Variants in MAP3K13 observed in about 807,000 individuals in gnomAD.
The protein encoded by MAP3K13 is mitogen-activated protein kinase kinase kinase 13.
A neutral mutation model predicts 104.0 loss-of-function variants in MAP3K13; 52 were observed. The observed-to-expected ratio is 0.50, with a 90% confidence interval of 0.40 to 0.63. The LOEUF (loss-of-function observed/expected upper bound fraction) is 0.63, where lower values mean the gene tolerates loss of function less well. MAP3K13 is among the 20% of genes least tolerant of loss of function. The probability of loss-of-function intolerance (pLI) is 0.00; values close to 1 mark genes in which losing one functional copy is unlikely to be tolerated. For missense variants in MAP3K13, 914 were observed against 1,218.5 expected (o/e 0.75, Z 3.72); for synonymous variants, 394 against 442.2 (o/e 0.89, Z 1.37).
intron 2 of MAP3K13, among the ~76,000 whole-genome samples, chr3:185,340,706 GT>G (rs948883435): frequency 2.4e-4 from 36 of 152,198 alleles, no homozygotes; most frequent in African/African-American, 8.7e-4. Context: ...CACGGGGGTA[GT>G]TTGCTCTATG....
chr3:185,354,775 A>G (rs1004583099), intron 2 of MAP3K13, among the ~76,000 whole-genome samples: 11 of 152,162 alleles, frequency 7.2e-5, no homozygotes, highest in Non-Finnish European at 1.3e-4. Context: ...ACCATTTTGT[A>G]TTGTTACTCA....
chr3:185,419,727 A>G (rs1277931530), intron 1 of MAP3K13, among the ~76,000 whole-genome samples: 1 of 152,146 alleles, frequency 6.6e-6, no homozygotes, highest in Admixed American at 6.5e-5. Context: ...AAAATGTTGA[A>G]TATTAATACT....
At chr3:185,288,870 T>A (rs993350783) in intron 2 of MAP3K13, among the ~76,000 whole-genome samples, 1 of 152,162 alleles carries the variant, frequency 6.6e-6, no homozygotes, top group Admixed American at 6.5e-5. Context: ...TCAATTTGAA[T>A]TGAACTAGAA....
At chr3:185,454,874 T>TATATATATGATATATATATGAG (rs1560117744) in intron 7 of MAP3K13, among the ~76,000 whole-genome samples, 5 of 22,044 alleles carry the variant, frequency 2.3e-4, no homozygotes, top group African/African-American at 4.5e-4. Flanking sequence ...ATATATGAGA[T>TATATATATGATATATATATGAG]ATATATATGA....
chr3:185,340,731 A>T (rs13090256), intron 2 of MAP3K13, among the ~76,000 whole-genome samples: 102,769 of 151,726 alleles, frequency 0.68, 36,232 homozygotes, highest in Middle Eastern at 0.79. Flanking sequence ...TTCTTGTGAT[A>T]GTGAGTAAGT....
At chr3:185,283,636 T>G (rs7429135) in intron 1 of MAP3K13, among the ~76,000 whole-genome samples, 121,290 of 152,108 alleles carry the variant, frequency 0.8, 48,630 homozygotes, top group Middle Eastern at 0.84. Flanking sequence ...AGATACCCAG[T>G]ACATTGTTGG....
At chr3:185,309,512 C>CAAAAAAAAA (rs66889332) in intron 2 of MAP3K13, among the ~76,000 whole-genome samples, 1 of 105,780 alleles carries the variant, frequency 9.5e-6, no homozygotes, top group African/African-American at 3.5e-5. Flanking sequence ...CCTTGTCTCA[C>CAAAAAAAAA]AAAAAAAAAA....
intron 7 of MAP3K13, among the ~76,000 whole-genome samples, 162 bp from the exon 8 acceptor site, chr3:185,463,388 A>T (rs907379404): frequency 1.3e-5 from 2 of 152,218 alleles, no homozygotes; most frequent in Non-Finnish European, 2.9e-5. Flanking sequence ...TAGTAGCAGG[A>T]GATATTTTGC....
intron 2 of MAP3K13, among the ~76,000 whole-genome samples, chr3:185,350,348 G>C (rs566511642): frequency 1.1e-4 from 16 of 152,232 alleles, no homozygotes; most frequent in African/African-American, 3.9e-4. Context: ...ACCATGCCTG[G>C]CTAATTTTTC....
Position 185,482,412 on chromosome 3 carries a change from G to A in MAP3K13, c.2857G>A (p.Ala953Thr). ...CTCTTCAGATGGGGAGTGTTCTGAT[G>A]CCACAGTTAGGACCAATAAACACTA... ...CDSSDGECSD[A>T]TVRTNKHYSS... Residue 953 changes from alanine to threonine, a missense_variant, in exon 14 of 14, where the codon GCC (alanine) becomes ACC (threonine). By Grantham distance (58) the Ala-to-Thr change is moderately conservative. This residue lies in a region of MAP3K13 where 583 missense variants were observed against 737.4 expected (regional missense o/e 0.79). Transcript: ENST00000265026. This position sits in a 1 kb window ranked among gnomAD's most constrained non-coding sequence, Gnocchi z 4.5. 1 of 1,614,126 alleles carries A rather than the reference G, an allele frequency of 6.2e-7. No individual in the cohort carries two copies. Among genetic ancestry groups the A allele is most frequent in the Non-Finnish European group, 8.5e-7 (1 of 1,179,972 alleles).
chr3:185,313,572 A>T (rs6444050), intron 2 of MAP3K13, among the ~76,000 whole-genome samples: 104,581 of 151,940 alleles, frequency 0.69, 37,267 homozygotes, highest in Non-Finnish European at 0.78. Flanking sequence ...CCCTGCCAAT[A>T]GTACAATTTT....
chr3:185,405,015 G>A (rs200367838), intron 1 of MAP3K13, among the ~76,000 whole-genome samples: 1 of 152,176 alleles, frequency 6.6e-6, no homozygotes, highest in Non-Finnish European at 1.5e-5. Flanking sequence ...GTATAAAATT[G>A]TAAGTTCTTA....
chr3:185,443,512 G>A lies in MAP3K13; in HGVS notation c.727G>A (p.Glu243Lys), dbSNP rs1363166292. 8 of 1,614,062 alleles carry A rather than the reference G, an allele frequency of 5.0e-6. No homozygotes were observed. Among genetic ancestry groups the A allele is most frequent in the Non-Finnish European group, 6.8e-6 (8 of 1,179,990 alleles). ...MEYCAHGQLY[E>K]VLRAGRKITP... is the part of the protein sequence containing the mutation. ...ATACTGTGCCCATGGACAACTCTAC[G>A]AGGTCTTACGAGCTGGCAGGAAGAT... is the stretch of plus-strand genomic sequence containing the variant. The change falls in exon 4 of 14, where the codon GAG (glutamate) becomes AAG (lysine). Residue 243 changes from glutamate to lysine, a missense_variant. Physicochemically the swap from Glu to Lys is moderately conservative, Grantham distance 56 (BLOSUM62 1). This residue lies in a region of MAP3K13 where 175 missense variants were observed against 321.3 expected (regional missense o/e 0.54). Coordinates refer to ENST00000265026, the MANE Select transcript of MAP3K13 (RefSeq NM_004721.5).
chr3:185,353,629 G>A (rs1014728013), intron 2 of MAP3K13, among the ~76,000 whole-genome samples: 1 of 152,150 alleles, frequency 6.6e-6, no homozygotes, highest in South Asian at 2.1e-4. Context: ...TTTATGGATG[G>A]TCATATAAGG....
At chr3:185,476,295 C>T (rs1352928516) in intron 11 of MAP3K13, among the ~76,000 whole-genome samples, 1 of 150,528 alleles carries the variant, frequency 6.6e-6, no homozygotes, top group Non-Finnish European at 1.5e-5. Context: ...CCCACAGGTC[C>T]TCCTAGGGTA....
In MAP3K13 at chr3:185,455,604, A is replaced by C. The variant is rs372992131; in HGVS notation, c.1278+4209A>C. On this transcript the variant is annotated intron_variant, in intron 7 of 13. Coordinates refer to ENST00000265026, the MANE Select transcript of MAP3K13 (RefSeq NM_004721.5). ...TATATGATATATATGAGATATATAT[A>C]TCATATATATGAGATATATGATATA... Among the ~76,000 whole-genome samples the C allele has an allele frequency of 6.2e-5, 3 of 48,480 alleles. 1 individual carries two copies. The highest frequency in any genetic ancestry group is 1.5e-4 in the African/African-American group (2 of 13,640). The allele number at this position is 48,480 out of a possible 152,430, so 31.8% of individuals were successfully genotyped here.
At chr3:185,446,995 C>A (rs540942160) in intron 4 of MAP3K13, among the ~76,000 whole-genome samples, 1 of 152,138 alleles carries the variant, frequency 6.6e-6, no homozygotes, top group East Asian at 1.9e-4. Flanking sequence ...AGACATCCAG[C>A]GAGGTCTGGA....
intron 1 of MAP3K13, among the ~76,000 whole-genome samples, chr3:185,404,339 G>A (rs1045633303): frequency 3.3e-5 from 5 of 152,202 alleles, no homozygotes; most frequent in African/African-American, 1.2e-4. Context: ...TTCTCTAAGA[G>A]GAACTCTTTT....
chr3:185,400,210 G>A (rs13059776), intron 1 of MAP3K13, among the ~76,000 whole-genome samples: 26,045 of 152,026 alleles, frequency 0.17, 2,255 homozygotes, highest in African/African-American at 0.21. Context: ...ATGTTTGTGC[G>A]TCTCCCCAAA....
Sources: allele counts gnomAD v4.1 joint callset (sites outside exome capture counted in the v4.1 genomes callset), GRCh38; gene constraint gnomAD v4.1.1; regional missense constraint gnomAD v4.1.1; non-coding constraint Gnocchi (gnomAD v3.1); transcripts MANE v1.5; gene names NCBI Gene and HGNC (gene_info 2026-07-23, HGNC 2026-07-21).